GHR: variants seen among roughly 807,000 people sequenced by gnomAD.
The protein encoded by GHR is growth hormone receptor, also known as GH receptor.
Under a neutral mutation model 67.1 loss-of-function variants are expected in GHR, and 35 were observed. The ratio of observed to expected loss-of-function variants is 0.52; its 90% CI spans 0.40 to 0.69. The LOEUF is 0.69. Among genes scored for constraint, GHR ranks in the 30% least tolerant of loss-of-function variants. GHR has a pLI of 0.00. For synonymous variants in GHR, 272 were observed against 269.1 expected, an observed-to-expected ratio of 1.01 and a Z score of -0.10; for missense variants, 792 against 764.6, an observed-to-expected ratio of 1.04 and a Z score of -0.42.
At chr5:42,543,311 G>A (rs1462082246) in intron 1 of GHR, among the ~76,000 whole-genome samples, 2 of 151,962 alleles carry the variant, frequency 1.3e-5, no homozygotes, top group African/African-American at 4.8e-5. Context: ...TTTGTTTTTG[G>A]GATTTTTTTG....
chr5:42,624,722 T>C (rs1004372261), intron 2 of GHR, among the ~76,000 whole-genome samples: 4 of 152,252 alleles, frequency 2.6e-5, no homozygotes, highest in African/African-American at 9.6e-5. Context: ...TACATAGTTG[T>C]CAGTTATACA....
chr5:42,527,682 G>T (rs1747769440), intron 1 of GHR, among the ~76,000 whole-genome samples: 1 of 152,244 alleles, frequency 6.6e-6, no homozygotes, highest in Admixed American at 6.5e-5. Context: ...TTTAGGACCT[G>T]AACTCAACAT....
At chr5:42,565,777 A>G in intron 1 of GHR, 87 bp from the exon 2 acceptor site, 1 of 1,610,062 alleles carries the variant, frequency 6.2e-7, no homozygotes, top group South Asian at 1.1e-5. Context: ...CAGCTCATTC[A>G]TGTCTTACCC....
intron 3 of GHR, among the ~76,000 whole-genome samples, chr5:42,671,821 G>T (rs1313918512): frequency 3.3e-5 from 5 of 151,460 alleles, no homozygotes; most frequent in African/African-American, 1.2e-4. Context: ...CCGGGCGTAG[G>T]GGCGGGCGCC....
chr5:42,633,131 A>AT (rs375187525), intron 3 of GHR, among the ~76,000 whole-genome samples: 1,704 of 152,136 alleles, frequency 0.011, 38 homozygotes, highest in African/African-American at 0.039. Context: ...TCTGAGGGAG[A>AT]TTTTTCCCCT....
chr5:42,689,118 A>T (rs1757301338), intron 4 of GHR, 99 bp downstream of exon 4: 2 of 1,045,376 alleles, frequency 1.9e-6, no homozygotes, highest in Non-Finnish European at 1.5e-6. Flanking sequence ...ATTTGTTGTG[A>T]TTTATGCAAT....
chr5:42,484,787 C>T (rs963321234), intron 1 of GHR, among the ~76,000 whole-genome samples: 1 of 152,222 alleles, frequency 6.6e-6, no homozygotes, highest in Non-Finnish European at 1.5e-5. Flanking sequence ...GTAGTGTATT[C>T]TTCCTTTCCT....
In GHR at chr5:42,516,753, C is replaced by T. The variant is rs114250201; in HGVS notation, c.-11-49111C>T. ...AGAGCCTTGGAGCCCATCAGCAAGACGGTTGGAAATTATACTGAAACAGAA... is the reference window on the plus strand; with the variant it reads ...AGAGCCTTGGAGCCCATCAGCAAGATGGTTGGAAATTATACTGAAACAGAA... On this transcript the variant is annotated intron_variant, in intron 1 of 9. Coordinates refer to ENST00000230882, the MANE Select transcript of GHR (RefSeq NM_000163.5). Among the ~76,000 whole-genome samples, 1,150 of 152,212 alleles carry T rather than the reference C, an allele frequency of 7.6e-3. 16 individuals carry two copies. Among genetic ancestry groups the T allele is most frequent in the African/African-American group, 0.026 (1,067 of 41,484 alleles).
At chr5:42,456,292 A>AGAGC (rs1223919998) in intron 1 of GHR, among the ~76,000 whole-genome samples, 1 of 152,242 alleles carries the variant, frequency 6.6e-6, no homozygotes, top group Admixed American at 6.5e-5. Context: ...GCCTGGTGAC[A>AGAGC]GAGCGAGACT....
intron 1 of GHR, among the ~76,000 whole-genome samples, chr5:42,505,785 A>G (rs886289741): frequency 9.2e-5 from 14 of 152,252 alleles, no homozygotes; most frequent in Non-Finnish European, 1.5e-5. Context: ...GCGTGCTCAT[A>G]GTAAGCACTT....
At chr5:42,596,781 G>A (rs977616253) in intron 2 of GHR, among the ~76,000 whole-genome samples, 1 of 152,138 alleles carries the variant, frequency 6.6e-6, no homozygotes, top group Non-Finnish European at 1.5e-5. Flanking sequence ...AAAGCACTTA[G>A]CAGGAAGCCA....
chr5:42,430,193 C>A (rs1355284456), intron 1 of GHR, among the ~76,000 whole-genome samples: 1 of 152,168 alleles, frequency 6.6e-6, no homozygotes, highest in East Asian at 1.9e-4. Context: ...AAGAAGATAG[C>A]AAATCTGGCT....
intron 1 of GHR, among the ~76,000 whole-genome samples, chr5:42,425,841 TCA>T (rs1295604510): frequency 6.6e-6 from 1 of 152,170 alleles, no homozygotes; most frequent in Non-Finnish European, 1.5e-5. Context: ...AGTAAATATA[TCA>T]CAGTGAAATT....
At chr5:42,594,607 C>T (rs915377003) in intron 2 of GHR, among the ~76,000 whole-genome samples, 2 of 152,156 alleles carry the variant, frequency 1.3e-5, no homozygotes, top group African/African-American at 4.8e-5. Context: ...TTAGAATGAA[C>T]ACTTTAGTAA....
intron 3 of GHR, among the ~76,000 whole-genome samples, chr5:42,668,444 C>A (rs1387993716): frequency 6.6e-6 from 1 of 151,998 alleles, no homozygotes; most frequent in African/African-American, 2.4e-5. Context: ...CCAGTATCAC[C>A]CTTTACCCCA....
intron 2 of GHR, among the ~76,000 whole-genome samples, chr5:42,581,017 A>G (rs1465603764): frequency 6.6e-6 from 1 of 152,192 alleles, no homozygotes; most frequent in Non-Finnish European, 1.5e-5. Flanking sequence ...CTGCAGCACC[A>G]GCAGAAAAGA....
intron 3 of GHR, among the ~76,000 whole-genome samples, chr5:42,675,232 G>A (rs531317104): frequency 6.6e-6 from 1 of 152,188 alleles, no homozygotes; most frequent in African/African-American, 2.4e-5. Context: ...AGGGTAGTAA[G>A]TTATAGGTCT....
chr5:42,466,825 G>A (rs1402502453), intron 1 of GHR: 5 of 1,154,838 alleles, frequency 4.3e-6, no homozygotes, highest in Non-Finnish European at 5.9e-6. Context: ...CAGCAAAGAG[G>A]TGTCTCATTT....
At chr5:42,471,767 C>G (rs1309834933) in intron 1 of GHR, among the ~76,000 whole-genome samples, 2 of 152,112 alleles carry the variant, frequency 1.3e-5, no homozygotes, top group Non-Finnish European at 2.9e-5. Flanking sequence ...TATGGAGAAA[C>G]AGGGGTCTTA....
Sources: allele counts gnomAD v4.1 joint callset (sites outside exome capture counted in the v4.1 genomes callset), GRCh38; gene constraint gnomAD v4.1.1; transcripts MANE v1.5; gene names NCBI Gene and HGNC (gene_info 2026-07-23, HGNC 2026-07-21).